NAALADL2: variants seen among roughly 807,000 people sequenced by gnomAD.
NAALADL2 encodes N-acetylated alpha-linked acidic dipeptidase like 2.
NAALADL2 carries 76 observed loss-of-function variants against 87.2 expected under a neutral mutation model. The ratio of observed to expected loss-of-function variants is 0.87; its 90% CI spans 0.72 to 1.05. The LOEUF is 1.05. Among genes scored for constraint, NAALADL2 ranks in the 50% least tolerant of loss-of-function variants. The pLI is 0.00. For synonymous variants in NAALADL2, 354 were observed against 331.0 expected (o/e 1.07, Z -0.75); for missense variants, 1,089 against 945.8 (o/e 1.15, Z -1.99).
chr3:175,418,580 T>C (rs1466188159), intron 5 of NAALADL2, among the ~76,000 whole-genome samples: 1 of 152,124 alleles, frequency 6.6e-6, no homozygotes, highest in Non-Finnish European at 1.5e-5. Flanking sequence ...ACCTGTAATG[T>C]AGCCTAGGTG....
chr3:175,431,426 G>A (rs535323387), intron 5 of NAALADL2, among the ~76,000 whole-genome samples: 13 of 152,054 alleles, frequency 8.5e-5, no homozygotes, highest in Middle Eastern at 6.8e-3. Flanking sequence ...TGTCACTGGC[G>A]TAATGTGACT....
At chr3:175,740,309 G>T (rs2150092398) in intron 12 of NAALADL2, among the ~76,000 whole-genome samples, 1 of 152,294 alleles carries the variant, frequency 6.6e-6, no homozygotes, top group East Asian at 1.9e-4. Flanking sequence ...CATTTTAGTA[G>T]ATTAGTATAA....
intron 11 of NAALADL2, among the ~76,000 whole-genome samples, chr3:175,713,932 C>T (rs143451977): frequency 6.6e-6 from 1 of 152,202 alleles, no homozygotes; most frequent in African/African-American, 2.4e-5. Flanking sequence ...ATCCTATGTT[C>T]ATGTGTTCTC....
intron 2 of NAALADL2, among the ~76,000 whole-genome samples, chr3:174,693,687 G>T (rs957608200): frequency 6.6e-6 from 1 of 152,106 alleles, no homozygotes. Context: ...AATATGTTGG[G>T]GAGAGGAATA....
At chr3:175,336,243 C>T (rs1217498623) in intron 5 of NAALADL2, among the ~76,000 whole-genome samples, 1 of 152,110 alleles carries the variant, frequency 6.6e-6, no homozygotes, top group East Asian at 1.9e-4. Flanking sequence ...AGCTACACTA[C>T]AGATTTCTTT....
intron 2 of NAALADL2, among the ~76,000 whole-genome samples, chr3:174,633,735 G>A (rs565651917): frequency 2.0e-5 from 3 of 152,256 alleles, no homozygotes; most frequent in Admixed American, 2.0e-4. Flanking sequence ...TAGATTTGAT[G>A]TGATGTGATT....
chr3:174,775,115 A>C (rs924170255), intron 3 of NAALADL2, among the ~76,000 whole-genome samples: 63 of 152,138 alleles, frequency 4.1e-4, no homozygotes, highest in African/African-American at 1.3e-3. Flanking sequence ...ATATATATAC[A>C]TATATATGCT....
chr3:175,441,952 A>G (rs1332035460), intron 5 of NAALADL2, among the ~76,000 whole-genome samples: 2 of 151,468 alleles, frequency 1.3e-5, no homozygotes, highest in Non-Finnish European at 2.9e-5. Flanking sequence ...TTTTATTTTT[A>G]TTTTTTTGAG....
intron 4 of NAALADL2, among the ~76,000 whole-genome samples, chr3:175,290,886 A>G (rs1755563720): frequency 6.6e-6 from 1 of 151,522 alleles, no homozygotes; most frequent in South Asian, 2.1e-4. Flanking sequence ...GAATAGAGAA[A>G]GATAATGTGT....
chr3:174,766,958 G>T (rs1050466744), intron 3 of NAALADL2, among the ~76,000 whole-genome samples: 1 of 152,268 alleles, frequency 6.6e-6, no homozygotes, highest in East Asian at 1.9e-4. Flanking sequence ...ACAATTCCTG[G>T]GTGTGCCATT....
At chr3:174,583,214 A>G (rs1716359823) in intron 2 of NAALADL2, among the ~76,000 whole-genome samples, 1 of 152,214 alleles carries the variant, frequency 6.6e-6, no homozygotes, top group Non-Finnish European at 1.5e-5. Context: ...TTCATTCTGA[A>G]TCATATATAA....
rs541205973 is a variant in NAALADL2, at chr3:175,413,192, A to T, written c.1091-34037A>T. On this transcript the variant is annotated intron_variant, in intron 5 of 13. Coordinates refer to ENST00000454872, the MANE Select transcript of NAALADL2 (RefSeq NM_207015.3). Reference sequence around the variant, plus strand: ...GGTGGGCAGATCTTGAGGTCAGGAGATGGAGAATATCCTGGCTAACACAGT... The same window carrying T: ...GGTGGGCAGATCTTGAGGTCAGGAGTTGGAGAATATCCTGGCTAACACAGT... Among the ~76,000 whole-genome samples the T allele has an allele frequency of 2.8e-5, 4 of 142,144 alleles. No individual in the cohort carries two copies. The South Asian group carries it at 9.2e-4, about 33-fold the overall frequency. 93.3% of individuals were successfully genotyped at this position (142,144 alleles called of 152,430 possible). A position where few individuals can be genotyped will look rare whatever the true frequency, so the allele number is the denominator to read the frequency against.
At chr3:174,859,523 G>A in intron 1 of NAALADL2, 73 bp downstream of exon 1, 1 of 1,238,424 alleles carries the variant, frequency 8.1e-7, no homozygotes, top group Middle Eastern at 1.9e-4. Context: ...TACAAAGTCT[G>A]TGTGTTTCTG....
chr3:174,562,641 C>T (rs900829669), intron 2 of NAALADL2, among the ~76,000 whole-genome samples: 2 of 151,944 alleles, frequency 1.3e-5, no homozygotes, highest in South Asian at 2.1e-4. Context: ...ATTGCCACCT[C>T]GCTGGACCCC....
At chr3:175,215,319 G>T (rs1017762859) in intron 2 of NAALADL2, among the ~76,000 whole-genome samples, 1 of 152,040 alleles carries the variant, frequency 6.6e-6, no homozygotes. Flanking sequence ...GATCACTATC[G>T]TGTCTTTTTT....
intron 1 of NAALADL2, among the ~76,000 whole-genome samples, chr3:174,495,508 A>T (rs1718475449): frequency 1.3e-5 from 2 of 152,166 alleles, no homozygotes. Context: ...ATTGTGGCAG[A>T]CTACTTTTGG....
intron 4 of NAALADL2, among the ~76,000 whole-genome samples, chr3:175,257,697 A>T (rs1336905503): frequency 6.6e-6 from 1 of 152,132 alleles, no homozygotes; most frequent in Non-Finnish European, 1.5e-5. Context: ...TGCTGCCTTT[A>T]TACTGATTTT....
intron 1 of NAALADL2, among the ~76,000 whole-genome samples, chr3:175,061,471 G>C (rs1283804168): frequency 1.3e-5 from 2 of 152,026 alleles, no homozygotes; most frequent in Non-Finnish European, 2.9e-5. Flanking sequence ...TTCATCCATA[G>C]ACATTTCAAA....
upstream of NAALADL2, among the ~76,000 whole-genome samples, chr3:174,858,848 A>C (rs1726142383): frequency 6.6e-6 from 1 of 151,878 alleles, no homozygotes; most frequent in Non-Finnish European, 1.5e-5. Flanking sequence ...ACTGAGTCTC[A>C]AAGAAGTTAT....
Sources: gnomAD v4.1 joint callset for allele counts (sites outside exome capture counted in the v4.1 genomes callset) on GRCh38, gnomAD v4.1.1 for gene constraint, MANE v1.5 for transcripts, NCBI Gene and HGNC (gene_info 2026-07-23, HGNC 2026-07-21) for gene names.